Variants in COL23A1 observed in about 807,000 individuals in gnomAD.
COL23A1 encodes the protein collagen alpha-1(XXIII) chain.
A neutral mutation model predicts 99.3 loss-of-function variants in COL23A1; 97 were observed. The ratio of observed to expected loss-of-function variants is 0.98; its 90% confidence interval spans 0.83 to 1.16. COL23A1 has a LOEUF of 1.16. COL23A1 is among the 50% of genes most tolerant of loss of function. COL23A1 has a pLI of 0.00. For missense variants in COL23A1, 762 were observed against 757.4 expected (o/e 1.01, Z -0.07); for synonymous variants, 320 against 308.2 (o/e 1.04, Z -0.40).
chr5:178,400,752 C>A (rs1764404493), intron 2 of COL23A1, among the ~76,000 whole-genome samples: 1 of 152,034 alleles, frequency 6.6e-6, no homozygotes, highest in African/African-American at 2.4e-5. Context: ...ATTCTCCTGC[C>A]TCAGCCTTCC....
intron 2 of COL23A1, among the ~76,000 whole-genome samples, chr5:178,523,215 GAGAGAGAGAGAC>G (rs1324567272): frequency 7.6e-5 from 9 of 118,150 alleles, no homozygotes; most frequent in African/African-American, 2.7e-4. Context: ...GAGAGAGAGA[GAGAGAGAGAGAC>G]AGAGGGAGAG....
intron 2 of COL23A1, among the ~76,000 whole-genome samples, chr5:178,549,344 A>G (rs1761884697): frequency 2.6e-5 from 4 of 152,232 alleles, no homozygotes. Context: ...ACAGATGAAA[A>G]GACACACAAA....
chr5:178,341,882 C>A (rs1364681783), intron 2 of COL23A1, among the ~76,000 whole-genome samples: 1 of 152,200 alleles, frequency 6.6e-6, no homozygotes, highest in Non-Finnish European at 1.5e-5. Context: ...CCCCTCACTG[C>A]CTTCACGTCT....
At chr5:178,508,749 A>G (rs570343023) in intron 2 of COL23A1, among the ~76,000 whole-genome samples, 1 of 152,258 alleles carries the variant, frequency 6.6e-6, no homozygotes, top group South Asian at 2.1e-4. Flanking sequence ...TACCTAAACA[A>G]GTGCATCTGG....
intron 2 of COL23A1, among the ~76,000 whole-genome samples, chr5:178,347,538 C>T (rs907275287): frequency 2.6e-5 from 4 of 151,734 alleles, no homozygotes; most frequent in African/African-American, 9.7e-5. Flanking sequence ...TAAAAACCAC[C>T]GAGTCATACA....
At position 178,283,043 on chromosome 5, in the gene COL23A1, GTATTTT is replaced by G. The variant is rs1404583563; in HGVS notation, c.441+5275_441+5280del. On this transcript the variant is annotated intron_variant, in intron 5 of 28. Coordinates refer to ENST00000390654, the MANE Select transcript of COL23A1 (RefSeq NM_173465.4). ...GTACCACCACACCTGGCTAGTTTTT[GTATTTT>G]TATTTTTATTTTTTTTGGTAGAGAC... Among the ~76,000 whole-genome samples the G allele has an allele frequency of 4.6e-5, 7 of 152,076 alleles. No individual in the cohort carries two copies. In the South Asian group the frequency reaches 1.2e-3, roughly 27 times the overall value.
At position 178,340,399 on chromosome 5, in the gene COL23A1, C is replaced by A. The variant is rs1016221918; in HGVS notation, c.362-33480G>T. 6.6e-6 allele frequency among the ~76,000 whole-genome samples: 1 copy of A among 152,188 alleles called. No individual in the cohort carries two copies. Among genetic ancestry groups the A allele is most frequent in the Non-Finnish European group, 1.5e-5 (1 of 68,036 alleles). On this transcript the variant is annotated intron_variant, in intron 2 of 28. Transcript: ENST00000390654. The surrounding 1 kb of genome is among the most constrained non-coding windows in gnomAD (Gnocchi z 4.7). The stretch of plus-strand genomic sequence containing the variant: ...AAAAGCTGGTCTCCTTGGCAATTAA[C>A]GTTCACTTCTGCTTTTGCCTTAGAT...
rs1474712997 is a variant in COL23A1 at position 178,307,168 on chromosome 5, GTCAT to G, written c.362-253_362-250del. ...CCCTCATGCCCCACGCACCCATTCT[GTCAT>G]TCAATCATCGGCTCACTCAGTCATT... On this transcript the variant is annotated intron_variant, in intron 2 of 28. Transcript: ENST00000390654. The surrounding 1 kb of genome is among the most constrained non-coding windows in gnomAD (Gnocchi z 4.2). Among the ~76,000 whole-genome samples, 2 of 152,162 alleles carry G rather than the reference GTCAT, an allele frequency of 1.3e-5. No homozygotes were observed. Among genetic ancestry groups the G allele is most frequent in the African/African-American group, 2.4e-5 (1 of 41,446 alleles).
At chr5:178,495,794 C>T (rs1758169002) in intron 2 of COL23A1, among the ~76,000 whole-genome samples, 1 of 152,142 alleles carries the variant, frequency 6.6e-6, no homozygotes, top group Admixed American at 6.5e-5. Flanking sequence ...ATCCCCATAG[C>T]ATTGACAATG....
chr5:178,513,313 T>C (rs1296982958), intron 2 of COL23A1, among the ~76,000 whole-genome samples: 2 of 152,160 alleles, frequency 1.3e-5, no homozygotes, highest in Admixed American at 6.5e-5. Context: ...CTACGAGGTG[T>C]GTACGTTTAG....
At chr5:178,483,314 G>T (rs1416759913) in intron 2 of COL23A1, among the ~76,000 whole-genome samples, 1 of 151,330 alleles carries the variant, frequency 6.6e-6, no homozygotes, top group African/African-American at 2.4e-5. Context: ...TAAAACTGAG[G>T]AATTAAAAAA....
chr5:178,580,495 T>TA (rs1188385217), intron 1 of COL23A1, among the ~76,000 whole-genome samples: 2 of 152,048 alleles, frequency 1.3e-5, no homozygotes, highest in African/African-American at 2.4e-5. Flanking sequence ...GGTTCGTGCT[T>TA]AGTCCTGAAA....
chr5:178,347,616 GC>G lies in COL23A1; in HGVS notation c.362-40698del, dbSNP rs543794427. ...AAAAAAAATAGGGCCGGGCGTGGTG[GC>G]TCACGCCTGTAATCCCAGCACTTTG... On this transcript the variant is annotated intron_variant, in intron 2 of 28. Coordinates refer to ENST00000390654, the MANE Select transcript of COL23A1 (RefSeq NM_173465.4). Among the ~76,000 whole-genome samples, 433 of 151,890 alleles carry G rather than the reference GC, an allele frequency of 2.9e-3. 2 individuals are homozygous for G. The highest frequency in any genetic ancestry group is 9.0e-3 in the African/African-American group (375 of 41,450).
intron 27 of COL23A1, among the ~76,000 whole-genome samples, chr5:178,240,762 G>C (rs1764351800): frequency 6.6e-6 from 1 of 152,242 alleles, no homozygotes; most frequent in South Asian, 2.1e-4. Flanking sequence ...CCAGAGGTCT[G>C]GGAGGGGGTC....
chr5:178,370,103 T>G (rs1359773677), intron 2 of COL23A1, among the ~76,000 whole-genome samples: 1 of 152,212 alleles, frequency 6.6e-6, no homozygotes, highest in Non-Finnish European at 1.5e-5. Flanking sequence ...ATGCCACGTG[T>G]CTGCACGGCA....
chr5:178,416,808 C>T (rs1191588265), intron 2 of COL23A1, among the ~76,000 whole-genome samples: 1 of 151,988 alleles, frequency 6.6e-6, no homozygotes, highest in Non-Finnish European at 1.5e-5. Flanking sequence ...AGCACACAGC[C>T]CCCAGGGCAG....
intron 2 of COL23A1, among the ~76,000 whole-genome samples, chr5:178,466,414 G>A (rs1478583972): frequency 6.6e-6 from 1 of 152,114 alleles, no homozygotes; most frequent in African/African-American, 2.4e-5. Context: ...TGGACCTTTC[G>A]TCCTGTGTTG....
At chr5:178,517,008 C>A (rs947858177) in intron 2 of COL23A1, among the ~76,000 whole-genome samples, 12 of 152,208 alleles carry the variant, frequency 7.9e-5, no homozygotes, top group Admixed American at 6.5e-4. Flanking sequence ...CACATCAACA[C>A]ACTGGGCCAG....
At chr5:178,291,556 C>A (rs562747196) in intron 3 of COL23A1, among the ~76,000 whole-genome samples, 11 of 152,272 alleles carry the variant, frequency 7.2e-5, no homozygotes, top group Non-Finnish European at 1.5e-4. Context: ...GCTGCTGCAG[C>A]AGCGGGAGGG....
Sources: allele counts gnomAD v4.1 joint callset (sites outside exome capture counted in the v4.1 genomes callset), GRCh38; gene constraint gnomAD v4.1.1; non-coding constraint Gnocchi (gnomAD v3.1); transcripts MANE v1.5; gene names NCBI Gene and HGNC (gene_info 2026-07-23, HGNC 2026-07-21).